The following FBXL14 variants were observed in gnomAD, a reference collection of about 807,000 sequenced individuals.
FBXL14 encodes the protein F-box/LRR-repeat protein 14.
FBXL14 carries 11 observed loss-of-function variants against 24.5 expected under a neutral mutation model. The observed-to-expected ratio is 0.45, with a 90% CI of 0.28 to 0.74. FBXL14 has a LOEUF of 0.74. Among genes scored for constraint, FBXL14 ranks in the 30% least tolerant of loss-of-function variants. FBXL14 has a pLI of 0.12. For missense variants in FBXL14, 384 were observed against 545.6 expected (o/e 0.70, Z 2.95); for synonymous variants, 294 against 240.4 (o/e 1.22, Z -2.06).
chr12:1,576,740 T>C (rs761322563), intron 1 of FBXL14, among the ~76,000 whole-genome samples: 14 of 152,158 alleles, frequency 9.2e-5, no homozygotes, highest in Non-Finnish European at 1.6e-4. Context: ...CAGACCTCCA[T>C]ACGCGTAAGT....
intron 1 of FBXL14, among the ~76,000 whole-genome samples, chr12:1,585,175 G>T (rs2094474054): frequency 6.6e-6 from 1 of 152,068 alleles, no homozygotes; most frequent in Admixed American, 6.6e-5. Context: ...GAGGCAGGCG[G>T]ATCACAAGGT....
chr12:1,581,558 A>C (rs888313823), intron 1 of FBXL14, among the ~76,000 whole-genome samples: 2 of 152,170 alleles, frequency 1.3e-5, no homozygotes, highest in African/African-American at 4.8e-5. Flanking sequence ...GCTTTTTCCT[A>C]TGTGTCCTCT....
At chr12:1,588,074 G>A (rs981068664) in intron 1 of FBXL14, among the ~76,000 whole-genome samples, 4 of 152,220 alleles carry the variant, frequency 2.6e-5, no homozygotes, top group Non-Finnish European at 4.4e-5. Flanking sequence ...AGAGATCAGA[G>A]GCCAGGGCTT....
rs562129273 is a variant in FBXL14, at chr12:1,566,635, G to C, written c.*113C>G. 1 of 732,266 alleles carries C rather than the reference G, an allele frequency of 1.4e-6. No homozygotes were observed. The allele number at this position is 732,266 out of a possible 1,614,324, so 45.4% of individuals were successfully genotyped here. A position where few individuals can be genotyped will look rare whatever the true frequency, so the allele number is the denominator to read the frequency against. On this transcript the variant is annotated 3_prime_UTR_variant, in exon 2 of 2. Coordinates refer to ENST00000339235, the MANE Select transcript of FBXL14 (RefSeq NM_152441.3). ...AAGCCCTGGGCAGCAGCCTCTGCCC[G>C]AGCAGTGACAGGCAGGGAAACCTGA...
intron 1 of FBXL14, among the ~76,000 whole-genome samples, chr12:1,586,366 A>G (rs1045814668): frequency 6.6e-6 from 1 of 152,138 alleles, no homozygotes; most frequent in African/African-American, 2.4e-5. Context: ...CTCAAAAAAA[A>G]GACAAAAAAT....
Position 1,567,233 on chromosome 12 carries a change from C to T in FBXL14, c.1195-423G>A, listed in dbSNP as rs780573358. 1.8e-4 allele frequency among the ~76,000 whole-genome samples: 27 copies of T among 151,984 alleles called. 1 individual carries two copies. Among genetic ancestry groups the T allele is most frequent in the Admixed American group, 5.9e-4 (9 of 15,252 alleles). ...ATCCCAGCACTTTGGGAGGTCGAAGCGGGCGGATCACCTGAGGTCAGGAGT... is the reference window on the plus strand; with the variant it reads ...ATCCCAGCACTTTGGGAGGTCGAAGTGGGCGGATCACCTGAGGTCAGGAGT... On this transcript the variant is annotated intron_variant, in intron 1 of 1. Coordinates refer to ENST00000339235, the MANE Select transcript of FBXL14 (RefSeq NM_152441.3). The surrounding 1 kb of genome is among the most constrained non-coding windows in gnomAD (Gnocchi z 4.8).
At position 1,566,804 on chromosome 12, in the gene FBXL14, G is replaced by A. The variant is rs370249755; in HGVS notation, c.1201C>T (p.Arg401Ter). The change falls in exon 2 of 2, where the codon CGA becomes TGA. Residue 401 changes from arginine (R) to a stop codon, truncating the protein, a stop_gained. Coordinates refer to ENST00000339235, the MANE Select transcript of FBXL14 (RefSeq NM_152441.3). LOFTEE classifies it high-confidence loss of function. The part of the protein sequence containing the change: ...WQMTDSEKEA[R>*]GDFSPLFTVR... ...GTGAATAATGGAGAAAAATCCCCTC[G>A]TGCCTCCTGCAGTGGGAAGAAGAAA... The A allele has an allele frequency of 2.4e-5, 19 of 780,804 alleles. No homozygotes were observed. Among genetic ancestry groups the A allele is most frequent in the African/African-American group, 8.5e-5 (5 of 59,120 alleles). The allele number at this position is 780,804 out of a possible 1,614,324, so 48.4% of individuals were successfully genotyped here. A position where few individuals can be genotyped will look rare whatever the true frequency, so the allele number is the denominator to read the frequency against.
chr12:1,593,595 T>G lies in FBXL14; in HGVS notation c.472A>C (p.Asn158His). 1 of 1,614,156 alleles carries G rather than the reference T, an allele frequency of 6.2e-7. No homozygotes were observed. The highest frequency in any genetic ancestry group is 8.5e-7 in the Non-Finnish European group (1 of 1,180,014). The change falls in exon 1 of 2, where the codon AAC becomes CAC. Residue 158 changes from asparagine to histidine, a missense_variant. Coordinates refer to ENST00000339235, the MANE Select transcript of FBXL14 (RefSeq NM_152441.3). This position sits in a 1 kb window ranked among gnomAD's most constrained non-coding sequence, Gnocchi z 7.4. ...LELGGCSNIT[N>H]TGLLLIAWGL... ...CAGGCGATGAGCAGAAGGCCAGTGTTGGTGATGTTGCTGCAACCTCCCAGC... is the reference window on the plus strand; with the variant it reads ...CAGGCGATGAGCAGAAGGCCAGTGTGGGTGATGTTGCTGCAACCTCCCAGC...
rs574112460 is a variant in FBXL14, at chr12:1,592,741, T to C, written c.1194+132A>G. 5 of 784,316 alleles carry C rather than the reference T, an allele frequency of 6.4e-6. No individual in the cohort carries two copies. In the Admixed American group the frequency reaches 1.4e-4, roughly 21 times the overall value. 48.6% of individuals were successfully genotyped at this position (784,316 alleles called of 1,614,324 possible). A position where few individuals can be genotyped will look rare whatever the true frequency, so the allele number is the denominator to read the frequency against. ...AGGGAGGAGGAAACGAGCCTGAGGCTTCTGTCATAGCCCCATCTCATCCGC... is the reference window on the plus strand; with the variant it reads ...AGGGAGGAGGAAACGAGCCTGAGGCCTCTGTCATAGCCCCATCTCATCCGC... On this transcript the variant is annotated intron_variant, in intron 1 of 1. Transcript: ENST00000339235.
intron 1 of FBXL14, among the ~76,000 whole-genome samples, chr12:1,589,283 C>G (rs1212286900): frequency 6.7e-6 from 1 of 148,660 alleles, no homozygotes; most frequent in Non-Finnish European, 1.5e-5. Context: ...CCTGTAGTCT[C>G]AGCTACTCAG....
At chr12:1,585,604 C>T (rs558594761) in intron 1 of FBXL14, among the ~76,000 whole-genome samples, 1 of 152,244 alleles carries the variant, frequency 6.6e-6, no homozygotes, top group South Asian at 2.1e-4. Context: ...TCCCACAGTC[C>T]AGTTCCAGTG....
chr12:1,570,212 G>C (rs1197634433), intron 1 of FBXL14, among the ~76,000 whole-genome samples: 1 of 151,134 alleles, frequency 6.6e-6, no homozygotes, highest in African/African-American at 2.4e-5. Context: ...CTACTGATCA[G>C]AGAGTGGGAA....
intron 1 of FBXL14, among the ~76,000 whole-genome samples, chr12:1,583,088 A>C (rs960497439): frequency 6.6e-6 from 1 of 151,954 alleles, no homozygotes; most frequent in Non-Finnish European, 1.5e-5. Flanking sequence ...AGATGTCTTC[A>C]TCTGGGCAAT....
Position 1,569,400 on chromosome 12 carries a change from T to C in FBXL14, c.1195-2590A>G, listed in dbSNP as rs922967835. 2.5e-5 allele frequency among the ~76,000 whole-genome samples: 3 copies of C among 121,902 alleles called. No homozygotes were observed. Among genetic ancestry groups the C allele is most frequent in the Non-Finnish European group, 5.3e-5 (3 of 56,448 alleles). 80.0% of individuals were successfully genotyped at this position (121,902 alleles called of 152,430 possible). On this transcript the variant is annotated intron_variant, in intron 1 of 1. Coordinates refer to ENST00000339235, the MANE Select transcript of FBXL14 (RefSeq NM_152441.3). The surrounding 1 kb of genome is among the most constrained non-coding windows in gnomAD (Gnocchi z 4.2). ...CTAAATAAGAAACCACTTCGTTCTTTTTTTTTTTTTTTTTGTCTGAGACGG... is the reference window on the plus strand; with the variant it reads ...CTAAATAAGAAACCACTTCGTTCTTCTTTTTTTTTTTTTTGTCTGAGACGG...
In FBXL14 at chr12:1,579,611, TA is replaced by T. The variant is rs796849267; in HGVS notation, c.1195-12802del. ...CTCGGTGATAGGGTGAGACTCCATTTAAAAAAAAAAAAAAATGTAGTTATCA... is the reference window on the plus strand; with the variant it reads ...CTCGGTGATAGGGTGAGACTCCATTTAAAAAAAAAAAAAATGTAGTTATCA... On this transcript the variant is annotated intron_variant, in intron 1 of 1. Transcript: ENST00000339235. This position sits in a 1 kb window ranked among gnomAD's most constrained non-coding sequence, Gnocchi z 4.3. 0.093 allele frequency among the ~76,000 whole-genome samples: 13,160 copies of T among 140,772 alleles called. 1,267 individuals carry two copies. The highest frequency in any genetic ancestry group is 0.25 in the African/African-American group (9,781 of 38,680). 92.4% of individuals were successfully genotyped at this position (140,772 alleles called of 152,430 possible).
chr12:1,570,301 C>T (rs563982760), intron 1 of FBXL14, among the ~76,000 whole-genome samples: 3 of 152,344 alleles, frequency 2.0e-5, no homozygotes, highest in African/African-American at 2.4e-5. Flanking sequence ...GGGGCCAAAC[C>T]TGCTGGGGAA....
chr12:1,577,292 T>C (rs1021698490), intron 1 of FBXL14, among the ~76,000 whole-genome samples: 1 of 152,110 alleles, frequency 6.6e-6, no homozygotes, highest in Non-Finnish European at 1.5e-5. Flanking sequence ...CTCACTGCTG[T>C]TGGAACTCTG....
At position 1,569,653 on chromosome 12, in the gene FBXL14, G is replaced by T. The variant is rs1325971269; in HGVS notation, c.1195-2843C>A. ...CTGAACTTGTGATCCGCCCGCCTCG[G>T]CCTCCCAGAGTGCTGGGATTACAGG... On this transcript the variant is annotated intron_variant, in intron 1 of 1. Transcript: ENST00000339235. This position sits in a 1 kb window ranked among gnomAD's most constrained non-coding sequence, Gnocchi z 4.2. Among the ~76,000 whole-genome samples the T allele has an allele frequency of 6.6e-6, 1 of 152,220 alleles. No homozygotes were observed. The highest frequency in any genetic ancestry group is 2.4e-5 in the African/African-American group (1 of 41,456).
At position 1,569,270 on chromosome 12, in the gene FBXL14, G is replaced by A. The variant is rs74750890; in HGVS notation, c.1195-2460C>T. 0.027 allele frequency among the ~76,000 whole-genome samples: 4,077 copies of A among 151,578 alleles called. 91 individuals are homozygous for A. Among genetic ancestry groups the A allele is most frequent in the Middle Eastern group, 0.072 (21 of 292 alleles). ...TTATTTTATCCACTTAATTTCTGAT[G>A]TTTTCTAATTCTCTCTCTCTCTCTC... On this transcript the variant is annotated intron_variant, in intron 1 of 1. Coordinates refer to ENST00000339235, the MANE Select transcript of FBXL14 (RefSeq NM_152441.3). This position sits in a 1 kb window ranked among gnomAD's most constrained non-coding sequence, Gnocchi z 4.2.
Sources: allele counts gnomAD v4.1 joint callset (sites outside exome capture counted in the v4.1 genomes callset), GRCh38; gene constraint gnomAD v4.1.1; non-coding constraint Gnocchi (gnomAD v3.1); transcripts MANE v1.5; gene names NCBI Gene and HGNC (gene_info 2026-07-23, HGNC 2026-07-21).